The following MYO18B variants were observed in gnomAD, a reference collection of about 807,000 sequenced individuals.
MYO18B encodes the protein myosin XVIIIB.
In MYO18B, 204 loss-of-function variants were observed where a neutral mutation model predicts 273.0. The observed-to-expected ratio is 0.75, with a 90% CI of 0.67 to 0.84. MYO18B has a LOEUF of 0.84. MYO18B is among the 40% of genes least tolerant of loss of function. The pLI, the probability that MYO18B is intolerant of heterozygous loss-of-function variation, is 0.00. For missense variants in MYO18B, 3,212 were observed against 3,287.6 expected (o/e 0.98, Z 0.56); for synonymous variants, 1,330 against 1,305.7 (o/e 1.02, Z -0.40).
At chr22:25,851,391 G>C in intron 20 of MYO18B, 79 bp from the exon 21 acceptor site, 1 of 959,100 alleles carries the variant, frequency 1.0e-6, no homozygotes, top group South Asian at 1.4e-5. Context: ...CTGCACTCCT[G>C]TCTAGGGGTT....
At chr22:25,978,157 C>G (rs928791847) in intron 39 of MYO18B, among the ~76,000 whole-genome samples, 1 of 152,150 alleles carries the variant, frequency 6.6e-6, no homozygotes, top group South Asian at 2.1e-4. Flanking sequence ...CAAATAATTC[C>G]TATCTGATGG....
At chr22:25,979,574 G>A (rs1216331957) in intron 39 of MYO18B, among the ~76,000 whole-genome samples, 1 of 152,160 alleles carries the variant, frequency 6.6e-6, no homozygotes, top group African/African-American at 2.4e-5. Flanking sequence ...TGAGAAGGTT[G>A]TTGGGGTCCC....
chr22:25,807,367 T>G (rs2088526045), intron 12 of MYO18B, among the ~76,000 whole-genome samples: 1 of 152,232 alleles, frequency 6.6e-6, no homozygotes, highest in African/African-American at 2.4e-5. Context: ...GCTTTGTGGC[T>G]GTTCTGTTAC....
chr22:25,823,521 C>T lies in MYO18B; in HGVS notation c.2538C>T (p.Phe846=). The T allele has an allele frequency of 6.2e-7, 1 of 1,613,888 alleles. No homozygotes were observed. Among genetic ancestry groups the T allele is most frequent in the Admixed American group, 1.7e-5 (1 of 60,016 alleles). The part of the protein sequence containing the change: ...AGACKVGRKQ[F]MRFEWANYAA... ...CCTTTGCAGTGGGTCGGAAGCAGTTCATGAGGTTTGAGTGGGCAAACTACG... is the reference window on the plus strand; with the variant it reads ...CCTTTGCAGTGGGTCGGAAGCAGTTTATGAGGTTTGAGTGGGCAAACTACG... Residue 846 remains phenylalanine (F), a synonymous_variant, in exon 13 of 44, where the codon TTC becomes TTT. Transcript: ENST00000335473.
chr22:25,838,100 C>A (rs115849285), intron 17 of MYO18B, among the ~76,000 whole-genome samples: 15 of 151,914 alleles, frequency 9.9e-5, no homozygotes, highest in African/African-American at 3.6e-4. Flanking sequence ...AGAAAAAGAA[C>A]TTTTAGGCCA....
At chr22:25,821,967 G>A (rs924811746) in intron 12 of MYO18B, among the ~76,000 whole-genome samples, 4 of 152,196 alleles carry the variant, frequency 2.6e-5, no homozygotes, top group African/African-American at 4.8e-5. Flanking sequence ...GATTTGCACA[G>A]TTGATATCAC....
chr22:25,787,889 A>G (rs886233361), intron 11 of MYO18B, among the ~76,000 whole-genome samples: 1 of 152,084 alleles, frequency 6.6e-6, no homozygotes, highest in African/African-American at 2.4e-5. Context: ...CATTCATTTA[A>G]TGAGCTTTGG....
At chr22:25,785,526 T>C (rs1381363037) in intron 11 of MYO18B, 35 bp downstream of exon 11, 2 of 1,600,542 alleles carry the variant, frequency 1.2e-6, no homozygotes, top group Non-Finnish European at 1.7e-6. Context: ...GGGATGTGAG[T>C]CTGTGTCTGG....
At chr22:26,003,144 A>G in intron 40 of MYO18B, 121 bp from the exon 41 acceptor site, 1 of 882,246 alleles carries the variant, frequency 1.1e-6, no homozygotes, top group Non-Finnish European at 1.8e-6. Flanking sequence ...CTTCCCTGAG[A>G]TCACACAGGG....
chr22:25,956,801 C>T (rs995585090), intron 39 of MYO18B, among the ~76,000 whole-genome samples: 1 of 152,180 alleles, frequency 6.6e-6, no homozygotes, highest in Admixed American at 6.5e-5. Context: ...TTTCTCCTTC[C>T]TGCATTATCC....
intron 38 of MYO18B, chr22:25,953,566 CT>C (rs1213274771): frequency 6.6e-6 from 1 of 152,194 alleles, no homozygotes; most frequent in African/African-American, 2.4e-5. Flanking sequence ...GAGAGAAATT[CT>C]TCTTTGCTTT....
chr22:25,828,915 C>T lies in MYO18B; in HGVS notation c.2926C>T (p.Gln976Ter). 6.2e-7 allele frequency: 1 copy of T among 1,614,030 alleles called. No homozygotes were observed. Among genetic ancestry groups the T allele is most frequent in the Non-Finnish European group, 8.5e-7 (1 of 1,179,902 alleles). Residue 976 changes from glutamine to a stop codon, truncating the protein, a stop_gained, in exon 15 of 44, where the codon CAG becomes TAG. Transcript: ENST00000335473. LOFTEE classifies it high-confidence loss of function. Reference sequence around the variant, plus strand: ...CCACAACTACGCCCATGAGCGCCTGCAGCTGCTGTTCTACCAGCGGACCTT... The same window carrying T: ...CCACAACTACGCCCATGAGCGCCTGTAGCTGCTGTTCTACCAGCGGACCTT... Reference protein sequence around the residue: ...LCHNYAHERLQLLFYQRTFVS... With the variant: ...LCHNYAHERL
chr22:25,870,571 G>A (rs2091019420), intron 22 of MYO18B, among the ~76,000 whole-genome samples: 1 of 152,238 alleles, frequency 6.6e-6, no homozygotes, highest in South Asian at 2.1e-4. Context: ...GGCGGTGCAT[G>A]ACTGTACATG....
chr22:26,043,511 C>CTTTTTTTTTTTT, the MYO18B span, among the ~76,000 whole-genome samples: 1 of 123,032 alleles, frequency 8.1e-6, no homozygotes, highest in Non-Finnish European at 1.7e-5. Flanking sequence ...TTTTTTCTTT[C>CTTTTTTTTTTTT]TTTTTTTTTT....
At chr22:25,955,110 C>A in intron 38 of MYO18B, 69 bp from the exon 39 acceptor site, 1 of 1,428,962 alleles carries the variant, frequency 7.0e-7, no homozygotes, top group Non-Finnish European at 9.3e-7. Context: ...ATTTATCTTC[C>A]TGAGGCTCCC....
Position 25,946,998 on chromosome 22 carries a change from C to T in MYO18B, c.5632-714C>T, listed in dbSNP as rs142006669. ...TGTACAGGGTTGGCTTAGATTTATA[C>T]TCAATGTATAAAACACTAAAGTTTA... On this transcript the variant is annotated intron_variant, in intron 35 of 43. Coordinates refer to ENST00000335473, the MANE Select transcript of MYO18B (RefSeq NM_032608.7). Among the ~76,000 whole-genome samples the T allele has an allele frequency of 1.5e-3, 221 of 152,234 alleles. 3 individuals carry two copies. The South Asian group carries it at 0.031, about 21-fold the overall frequency.
intron 34 of MYO18B, among the ~76,000 whole-genome samples, chr22:25,940,674 T>C (rs1277985531): frequency 2.0e-5 from 3 of 152,302 alleles, no homozygotes; most frequent in African/African-American, 7.2e-5. Context: ...CAACCTCTCC[T>C]TCCCTCCCAT....
chr22:25,974,507 G>A (rs1200545984), intron 39 of MYO18B, among the ~76,000 whole-genome samples: 1 of 152,196 alleles, frequency 6.6e-6, no homozygotes, highest in African/African-American at 2.4e-5. Context: ...ACAGGGGCCA[G>A]TCAACTTTTT....
At chr22:25,792,518 C>T (rs1231862972) in intron 11 of MYO18B, among the ~76,000 whole-genome samples, 1 of 12,898 alleles carries the variant, frequency 7.8e-5, no homozygotes, top group African/African-American at 3.0e-4. Flanking sequence ...TTTTTTGAGA[C>T]AGAGTCTGGC....
Sources: gnomAD v4.1 joint callset for allele counts (sites outside exome capture counted in the v4.1 genomes callset) on GRCh38, gnomAD v4.1.1 for gene constraint, MANE v1.5 for transcripts, NCBI Gene and HGNC (gene_info 2026-07-23, HGNC 2026-07-21) for gene names.